KSR2: variants seen among roughly 807,000 people sequenced by gnomAD.
KSR2 encodes the protein kinase suppressor of ras 2.
A neutral mutation model predicts 107.8 loss-of-function variants in KSR2; 25 were observed. That is an observed-to-expected ratio of 0.23 (90% CI 0.17 to 0.32). KSR2 has a LOEUF of 0.32. KSR2 is among the 10% of genes least tolerant of loss of function. The pLI is 1.00. For missense variants in KSR2, 887 were observed against 1,268.9 expected, an observed-to-expected ratio of 0.70 and a Z score of 4.57; for synonymous variants, 480 against 507.0, an observed-to-expected ratio of 0.95 and a Z score of 0.71.
At chr12:117,633,771 T>TA (rs1228183928) in intron 5 of KSR2, among the ~76,000 whole-genome samples, 1 of 152,164 alleles carries the variant, frequency 6.6e-6, no homozygotes. Context: ...TTTCTGTTAA[T>TA]AAAATCACAC....
At chr12:117,574,477 A>G (rs188332150) in intron 7 of KSR2, among the ~76,000 whole-genome samples, 14 of 152,246 alleles carry the variant, frequency 9.2e-5, no homozygotes, top group South Asian at 6.2e-4. Flanking sequence ...CATGGTGGAA[A>G]CCCAAAGGCC....
rs111907317 is a variant in KSR2 at position 117,596,649 on chromosome 12, C to T, written c.1172-14290G>A. Among the ~76,000 whole-genome samples, 692 of 152,228 alleles carry T rather than the reference C, an allele frequency of 4.5e-3. 5 individuals carry two copies. Among genetic ancestry groups the T allele is most frequent in the African/African-American group, 0.016 (655 of 41,524 alleles). ...ATTTACATTAATTAATTAACATCAG[C>T]GCAACAGAACCCAAAACATTGCTAG... On this transcript the variant is annotated intron_variant, in intron 5 of 19. Coordinates refer to ENST00000339824, the MANE Select transcript of KSR2 (RefSeq NM_173598.6).
At position 117,816,400 on chromosome 12, in the gene KSR2, T is replaced by TCC. The variant is rs531875763; in HGVS notation, c.472+39026_472+39027dup. 6.4e-4 allele frequency among the ~76,000 whole-genome samples: 98 copies of TCC among 152,102 alleles called. 1 individual carries two copies. The highest frequency in any genetic ancestry group is 1.1e-3 in the Non-Finnish European group (73 of 67,990). ...GCTATCATGGTGCAGAGACAAACTA[T>TCC]CCCCTCTGTGTCCTGTCCCAATTGC... is the stretch of plus-strand genomic sequence containing the variant. On this transcript the variant is annotated intron_variant, in intron 3 of 19. Coordinates refer to ENST00000339824, the MANE Select transcript of KSR2 (RefSeq NM_173598.6).
At chr12:117,839,529 G>A (rs1434390021) in intron 3 of KSR2, among the ~76,000 whole-genome samples, 1 of 152,148 alleles carries the variant, frequency 6.6e-6, no homozygotes, top group Non-Finnish European at 1.5e-5. Context: ...CTGACACTCA[G>A]TATGTTTTTA....
Position 117,621,648 on chromosome 12 carries a change from G to A in KSR2, c.1172-39289C>T, listed in dbSNP as rs906676324. 2.0e-5 allele frequency among the ~76,000 whole-genome samples: 3 copies of A among 152,214 alleles called. No individual in the cohort carries two copies. The South Asian group carries it at 6.2e-4, about 32-fold the overall frequency. ...AACACAGACCTCCTCTTGTAATTTA[G>A]TTAATGGTATTATACCAATGCCATT... On this transcript the variant is annotated intron_variant, in intron 5 of 19. Coordinates refer to ENST00000339824, the MANE Select transcript of KSR2 (RefSeq NM_173598.6).
Position 117,458,203 on chromosome 12 carries a change from C to G in KSR2, c.*8996G>C, listed in dbSNP as rs1296519799. 6.6e-6 allele frequency: 1 copy of G among 152,144 alleles called. No homozygotes were observed. Among genetic ancestry groups the G allele is most frequent in the Non-Finnish European group, 1.5e-5 (1 of 68,040 alleles). The allele number at this position is 152,144 out of a possible 1,614,324, so 9.4% of individuals were successfully genotyped here. ...GAGGTTCACTGAATTCCAGACAAAC[C>G]CAGAATGCCAGCATCTGTGTGAGGA... On this transcript the variant is annotated 3_prime_UTR_variant, in exon 20 of 20. Coordinates refer to ENST00000339824, the MANE Select transcript of KSR2 (RefSeq NM_173598.6).
chr12:117,551,054 C>T (rs148902071), intron 9 of KSR2, among the ~76,000 whole-genome samples: 1 of 152,350 alleles, frequency 6.6e-6, no homozygotes, highest in East Asian at 1.9e-4. Context: ...CCACTTCAAA[C>T]AGCTTGAATA....
intron 5 of KSR2, among the ~76,000 whole-genome samples, chr12:117,651,346 G>A (rs1883898155): frequency 6.6e-6 from 1 of 152,176 alleles, no homozygotes; most frequent in Admixed American, 6.5e-5. Context: ...AAGTCCCAGA[G>A]GGTCCCTGGA....
intron 14 of KSR2, among the ~76,000 whole-genome samples, chr12:117,507,620 C>A (rs2137190362): frequency 6.6e-6 from 1 of 152,244 alleles, no homozygotes; most frequent in South Asian, 2.1e-4. Flanking sequence ...TCACCAGCAG[C>A]CCCATCTGCC....
chr12:117,535,261 A>T (rs1026270045), intron 10 of KSR2, among the ~76,000 whole-genome samples: 2 of 152,250 alleles, frequency 1.3e-5, no homozygotes, highest in Admixed American at 1.3e-4. Context: ...CAGGTCATTC[A>T]TTCATTCAAC....
At chr12:117,794,226 C>CACATA (rs1890481319) in intron 3 of KSR2, among the ~76,000 whole-genome samples, 1 of 112,412 alleles carries the variant, frequency 8.9e-6, no homozygotes, top group Non-Finnish European at 1.7e-5. Flanking sequence ...TGCACACACA[C>CACATA]CAACATGCAC....
At chr12:117,781,688 C>T (rs1047929631) in intron 3 of KSR2, among the ~76,000 whole-genome samples, 1 of 152,130 alleles carries the variant, frequency 6.6e-6, no homozygotes, top group African/African-American at 2.4e-5. Context: ...ACCATCTGAG[C>T]CCCTGGCACA....
At chr12:117,736,044 G>A (rs117062573) in intron 4 of KSR2, among the ~76,000 whole-genome samples, 1 of 152,152 alleles carries the variant, frequency 6.6e-6, no homozygotes, top group East Asian at 1.9e-4. Context: ...GTAGGGAAAT[G>A]GTCAGCCTTA....
chr12:117,530,815 A>G (rs975412144), intron 12 of KSR2, 126 bp downstream of exon 12: 43 of 803,984 alleles, frequency 5.3e-5, no homozygotes, highest in Non-Finnish European at 8.3e-5. Context: ...CCCCTTGTAC[A>G]TCTCCCTCTG....
At chr12:117,546,200 G>C (rs1270580760) in intron 9 of KSR2, among the ~76,000 whole-genome samples, 1 of 152,090 alleles carries the variant, frequency 6.6e-6, no homozygotes, top group African/African-American at 2.4e-5. Flanking sequence ...ACAATGTCTT[G>C]ATTTCTCTTT....
At chr12:117,924,286 G>GAGACCA (rs1895437372) in intron 1 of KSR2, among the ~76,000 whole-genome samples, 1 of 151,322 alleles carries the variant, frequency 6.6e-6, no homozygotes, top group African/African-American at 2.4e-5. Context: ...AAAAAATTTA[G>GAGACCA]GCCAGGCACG....
In KSR2 at chr12:117,483,275, G is replaced by C. The variant is rs73401413; in HGVS notation, c.2450+1141C>G. Among the ~76,000 whole-genome samples the C allele has an allele frequency of 6.6e-3, 1,005 of 152,124 alleles. 20 individuals carry two copies. Among genetic ancestry groups the C allele is most frequent in the African/African-American group, 0.022 (918 of 41,478 alleles). ...CACAGAAACAGCTACATGAAGTTTT[G>C]TCAAACTCCAAATGGTCCAACTTAT... On this transcript the variant is annotated intron_variant, in intron 16 of 19. Transcript: ENST00000339824.
chr12:117,869,114 G>A (rs1047425040), intron 1 of KSR2, among the ~76,000 whole-genome samples: 2 of 150,280 alleles, frequency 1.3e-5, no homozygotes, highest in African/African-American at 2.4e-5. Flanking sequence ...GCTCACGCCT[G>A]TAATCCCAGC....
Position 117,460,340 on chromosome 12 carries a change from C to T in KSR2, c.*6859G>A, listed in dbSNP as rs1458078920. ...GTGGGAAGGAAGGGCCCTTTCCCACCCCTGAGAGGGAAGAGCACTCACTGA... is the reference window on the plus strand; with the variant it reads ...GTGGGAAGGAAGGGCCCTTTCCCACTCCTGAGAGGGAAGAGCACTCACTGA... On this transcript the variant is annotated 3_prime_UTR_variant, in exon 20 of 20. Coordinates refer to ENST00000339824, the MANE Select transcript of KSR2 (RefSeq NM_173598.6). 6.6e-6 allele frequency: 1 copy of T among 152,090 alleles called. No homozygotes were observed. The highest frequency in any genetic ancestry group is 1.5e-5 in the Non-Finnish European group (1 of 68,022). The allele number at this position is 152,090 out of a possible 1,614,324, so 9.4% of individuals were successfully genotyped here.
Sources: allele counts gnomAD v4.1 joint callset (sites outside exome capture counted in the v4.1 genomes callset), GRCh38; gene constraint gnomAD v4.1.1; transcripts MANE v1.5; gene names NCBI Gene and HGNC (gene_info 2026-07-23, HGNC 2026-07-21).